CDH20: variants seen among roughly 807,000 people sequenced by gnomAD.
CDH20 encodes the protein cadherin-20.
CDH20 carries 29 observed loss-of-function variants against 74.2 expected under a neutral mutation model. The ratio of observed to expected loss-of-function variants is 0.39; its 90% CI spans 0.29 to 0.53. The LOEUF (loss-of-function observed/expected upper bound fraction) is 0.53. Ranked by LOEUF, CDH20 falls within the 20% of genes least tolerant of loss-of-function variation. The pLI is 0.69. For synonymous variants in CDH20, 469 were observed against 405.4 expected (o/e 1.16, Z -1.88); for missense variants, 988 against 1,048.3 (o/e 0.94, Z 0.79).
At chr18:61,530,109 A>G (rs1352508091) in intron 7 of CDH20, among the ~76,000 whole-genome samples, 1 of 152,214 alleles carries the variant, frequency 6.6e-6, no homozygotes, top group African/African-American at 2.4e-5. Context: ...AATTCCAATG[A>G]TCAGATCTGG....
At chr18:61,365,794 G>A (rs1910836239) in intron 1 of CDH20, among the ~76,000 whole-genome samples, 1 of 152,124 alleles carries the variant, frequency 6.6e-6, no homozygotes, top group African/African-American at 2.4e-5. Flanking sequence ...GTAAGCTACT[G>A]AAGTACTAAA....
chr18:61,389,514 G>T (rs533114107), intron 1 of CDH20, among the ~76,000 whole-genome samples: 3 of 152,150 alleles, frequency 2.0e-5, no homozygotes, highest in Non-Finnish European at 2.9e-5. Flanking sequence ...AAATGAATTT[G>T]TATACTTATT....
At position 61,428,867 on chromosome 18, in the gene CDH20, G is replaced by A. The variant is rs181123900; in HGVS notation, c.-152-61535G>A. Among the ~76,000 whole-genome samples the A allele has an allele frequency of 5.3e-5, 8 of 152,300 alleles. No individual in the cohort carries two copies. In the East Asian group the frequency reaches 1.5e-3, roughly 29 times the overall value. Reference sequence around the variant, plus strand: ...AAGGGGCCCACCCACCAGCCCTCCAGCCATTCCTGATACAGGTTTACGCTA... The same window carrying A: ...AAGGGGCCCACCCACCAGCCCTCCAACCATTCCTGATACAGGTTTACGCTA... On this transcript the variant is annotated intron_variant, in intron 1 of 11. Transcript: ENST00000262717.
chr18:61,380,077 A>T (rs1229011409), intron 1 of CDH20, among the ~76,000 whole-genome samples: 2 of 152,172 alleles, frequency 1.3e-5, no homozygotes, highest in Non-Finnish European at 2.9e-5. Context: ...AAGACTGTCG[A>T]TTTAGAGTTG....
intron 1 of CDH20, among the ~76,000 whole-genome samples, chr18:61,433,262 C>T (rs1055763476): frequency 1.3e-5 from 2 of 152,128 alleles, no homozygotes; most frequent in Non-Finnish European, 2.9e-5. Flanking sequence ...GCAAGTGTTA[C>T]TAATATGTGT....
At chr18:61,451,478 C>T (rs1203213958) in intron 1 of CDH20, among the ~76,000 whole-genome samples, 5 of 152,072 alleles carry the variant, frequency 3.3e-5, no homozygotes, top group African/African-American at 1.2e-4. Context: ...CAATTCCACA[C>T]TCAGTGACTA....
intron 6 of CDH20, among the ~76,000 whole-genome samples, chr18:61,527,673 T>A (rs904423111): frequency 1.3e-5 from 2 of 152,090 alleles, no homozygotes; most frequent in Non-Finnish European, 2.9e-5. Flanking sequence ...GTAGACAAGT[T>A]AAAGCCAAGT....
At chr18:61,397,751 C>G (rs1178754953) in intron 1 of CDH20, among the ~76,000 whole-genome samples, 1 of 152,126 alleles carries the variant, frequency 6.6e-6, no homozygotes, top group Non-Finnish European at 1.5e-5. Context: ...TAACCTTAGG[C>G]AAGTTACTCA....
In CDH20 at chr18:61,554,398, C is replaced by T. The variant is rs139351388; in HGVS notation, c.2109C>T (p.Pro703=). ...AAPKTRQDML[P]EIESLSRYVP... is the part of the protein sequence containing the mutation. Reference sequence around the variant, plus strand: ...CCAAGACGCGGCAGGACATGCTGCCCGAGATCGAGAGCCTCTCCCGCTACG... The same window carrying T: ...CCAAGACGCGGCAGGACATGCTGCCTGAGATCGAGAGCCTCTCCCGCTACG... Residue 703 remains proline, a synonymous_variant, in exon 12 of 12, where the codon CCC becomes CCT. Transcript: ENST00000262717. 8.5e-5 allele frequency: 137 copies of T among 1,612,806 alleles called. No individual in the cohort carries two copies. Among genetic ancestry groups the T allele is most frequent in the Non-Finnish European group, 1.1e-4 (133 of 1,179,730 alleles).
chr18:61,432,789 TCTTA>T (rs1368920758), intron 1 of CDH20, among the ~76,000 whole-genome samples: 1 of 152,164 alleles, frequency 6.6e-6, no homozygotes, highest in Non-Finnish European at 1.5e-5. Context: ...TTCCTTCCTT[TCTTA>T]CTTTCTTTTT....
intron 1 of CDH20, among the ~76,000 whole-genome samples, chr18:61,414,890 T>G (rs1912635076): frequency 6.6e-6 from 1 of 152,106 alleles, no homozygotes; most frequent in African/African-American, 2.4e-5. Flanking sequence ...TTAAGTACAT[T>G]TTTATTGTTG....
At chr18:61,375,646 C>T (rs968741933) in intron 1 of CDH20, among the ~76,000 whole-genome samples, 1 of 152,128 alleles carries the variant, frequency 6.6e-6, no homozygotes. Flanking sequence ...CTAGTCAACT[C>T]CTTCTTCATC....
chr18:61,374,139 G>A lies in CDH20; in HGVS notation c.-153+40312G>A, dbSNP rs146816216. Among the ~76,000 whole-genome samples the A allele has an allele frequency of 2.2e-3, 338 of 152,130 alleles. 4 individuals are homozygous for A. The highest frequency in any genetic ancestry group is 7.9e-3 in the African/African-American group (327 of 41,520). ...GTGTATATTGGGGCAGGAAGGGAAG[G>A]GGAAAGATTTTTCACCCTTGGTAGC... On this transcript the variant is annotated intron_variant, in intron 1 of 11. Coordinates refer to ENST00000262717, the MANE Select transcript of CDH20 (RefSeq NM_031891.4).
chr18:61,512,777 G>A (rs1568171548), intron 6 of CDH20, among the ~76,000 whole-genome samples: 1 of 152,020 alleles, frequency 6.6e-6, no homozygotes, highest in Non-Finnish European at 1.5e-5. Flanking sequence ...AGTCATTCAG[G>A]AGCAGGTTGT....
intron 9 of CDH20, among the ~76,000 whole-genome samples, chr18:61,540,874 C>T (rs1913010848): frequency 6.6e-6 from 1 of 152,282 alleles, no homozygotes; most frequent in Non-Finnish European, 1.5e-5. Context: ...GATTTATGTC[C>T]CTCAGGGGAA....
At chr18:61,549,790 G>T in intron 10 of CDH20, 188 bp from the exon 11 acceptor site, 1 of 613,294 alleles carries the variant, frequency 1.6e-6, no homozygotes. Context: ...TTGCCTAAAA[G>T]CAAGCAAAAA....
chr18:61,362,921 T>A (rs376354421), intron 1 of CDH20, among the ~76,000 whole-genome samples: 1 of 152,082 alleles, frequency 6.6e-6, no homozygotes, highest in South Asian at 2.1e-4. Context: ...TGAAATGCAT[T>A]AGGAGCAAAA....
intron 1 of CDH20, among the ~76,000 whole-genome samples, chr18:61,446,773 A>G (rs1356127938): frequency 6.6e-6 from 1 of 152,110 alleles, no homozygotes; most frequent in Admixed American, 6.6e-5. Context: ...ATATCCTTGG[A>G]TAGGTTTGTC....
rs1183464702 is a variant in CDH20, at chr18:61,554,619, T to C, written c.2330T>C (p.Leu777Pro). 6 of 1,606,688 alleles carry C rather than the reference T, an allele frequency of 3.7e-6. No individual in the cohort carries two copies. The highest frequency in any genetic ancestry group is 3.3e-5 in the South Asian group (3 of 89,998). Residue 777 changes from leucine (L) to proline (P), a missense_variant, in exon 12 of 12, where the codon CTG (leucine) becomes CCG (proline). This residue lies in a region of CDH20 where 375 missense variants were observed against 293.1 expected (regional missense o/e 1.28). Transcript: ENST00000262717. ...TSDSEQSFDF[L>P]TDWGPRFRKL... ...GACTCGGAACAGAGCTTCGACTTCC[T>C]GACGGACTGGGGGCCCCGCTTCCGG...
Sources: gnomAD v4.1 joint callset for allele counts (sites outside exome capture counted in the v4.1 genomes callset) on GRCh38, gnomAD v4.1.1 for gene constraint, gnomAD v4.1.1 regional missense constraint, MANE v1.5 for transcripts, NCBI Gene and HGNC (gene_info 2026-07-23, HGNC 2026-07-21) for gene names.